Variants in AP3D1 observed in about 807,000 individuals in gnomAD.
The protein encoded by AP3D1 is adaptor related protein complex 3 subunit delta 1, also known as AP-3 complex subunit delta-1.
A neutral mutation model predicts 147.6 loss-of-function variants in AP3D1; 51 were observed. The ratio of observed to expected loss-of-function variants is 0.35; its 90% CI spans 0.28 to 0.44. The LOEUF (loss-of-function observed/expected upper bound fraction) is 0.44. AP3D1 is among the 20% of genes least tolerant of loss of function. AP3D1 has a pLI of 1.00. For synonymous variants in AP3D1, 760 were observed against 663.0 expected (o/e 1.15, Z -2.25); for missense variants, 1,421 against 1,624.2 (o/e 0.87, Z 2.15).
At chr19:2,107,694 T>C (rs537168979) in intron 31 of AP3D1, among the ~76,000 whole-genome samples, 5,917 of 148,244 alleles carry the variant, frequency 0.04, 313 homozygotes, top group African/African-American at 0.12. Flanking sequence ...GAGCTGAGAC[T>C]GCACCACTGC....
At chr19:2,138,748 A>G in intron 1 of AP3D1, 34 bp from the exon 2 acceptor site, 2 of 1,475,270 alleles carry the variant, frequency 1.4e-6, no homozygotes, top group Non-Finnish European at 1.9e-6. Context: ...GATTACAAAC[A>G]TCCAGCTAAG....
chr19:2,104,666 GTT>G (rs967229513), intron 31 of AP3D1, among the ~76,000 whole-genome samples: 11 of 113,452 alleles, frequency 9.7e-5, no homozygotes, highest in African/African-American at 2.9e-4. Context: ...TCTGACACAA[GTT>G]TTTTTTTTTT....
At position 2,143,382 on chromosome 19, in the gene AP3D1, A is replaced by G. The variant is rs1251858120; in HGVS notation, c.97-4668T>C. On this transcript the variant is annotated intron_variant, in intron 1 of 31. Transcript: ENST00000643116. The stretch of plus-strand genomic sequence containing the variant: ...CAGCCTCCCAAGTAGCTGGGACTAC[A>G]GGCGCCCGCGACCATGCCTGGCTAA... 4.6e-5 allele frequency among the ~76,000 whole-genome samples: 7 copies of G among 151,902 alleles called. No homozygotes were observed. The East Asian group carries it at 1.2e-3, about 25-fold the overall frequency.
chr19:2,159,766 T>C (rs1163482474), intron 1 of AP3D1, among the ~76,000 whole-genome samples: 2 of 151,592 alleles, frequency 1.3e-5, no homozygotes, highest in East Asian at 3.9e-4. Context: ...AGTGGCGCTA[T>C]CTTGGTTCAC....
chr19:2,135,578 C>T (rs2019054469), intron 4 of AP3D1, among the ~76,000 whole-genome samples: 1 of 152,178 alleles, frequency 6.6e-6, no homozygotes, highest in Non-Finnish European at 1.5e-5. Context: ...CACTGGACTG[C>T]AAACATCGGA....
intron 4 of AP3D1, among the ~76,000 whole-genome samples, chr19:2,135,351 C>T (rs1309679774): frequency 1.3e-5 from 2 of 152,188 alleles, no homozygotes; most frequent in African/African-American, 2.4e-5. Flanking sequence ...GCCTGGCCAA[C>T]ATGGTGAAAC....
At position 2,104,816 on chromosome 19, in the gene AP3D1, T is replaced by G. The variant is rs2144989024; in HGVS notation, c.3553-2548A>C. Among the ~76,000 whole-genome samples, 4 of 151,838 alleles carry G rather than the reference T, an allele frequency of 2.6e-5. No homozygotes were observed. In the Middle Eastern group the frequency reaches 0.014, roughly 516 times the overall value. On this transcript the variant is annotated intron_variant, in intron 31 of 31. Coordinates refer to ENST00000643116, the MANE Select transcript of AP3D1 (RefSeq NM_001261826.3). ...CAAGTAGCAGGGACTACAGGCTCAC[T>G]GTACTAATTTCTTAGTACTGGCTAA...
intron 12 of AP3D1, 132 bp from the exon 13 acceptor site, chr19:2,121,443 G>A: frequency 2.4e-6 from 3 of 1,234,916 alleles, no homozygotes; most frequent in South Asian, 2.8e-5. Flanking sequence ...TCGATGCCAG[G>A]GAGGCAGCAG....
intron 11 of AP3D1, among the ~76,000 whole-genome samples, chr19:2,122,600 A>G (rs1275643260): frequency 6.6e-6 from 1 of 152,246 alleles, no homozygotes; most frequent in East Asian, 1.9e-4. Context: ...TTCAGTGTGT[A>G]CATTAGGCAC....
chr19:2,114,971 A>AGGCACTAAGGGCGGCT (rs1176909969), intron 20 of AP3D1, 150 bp from the exon 21 acceptor site: 2 of 929,862 alleles, frequency 2.2e-6, no homozygotes, highest in Non-Finnish European at 3.3e-6. Context: ...CTCAGCGTCT[A>AGGCACTAAGGGCGGCT]GGCACTAAGG....
intron 9 of AP3D1, among the ~76,000 whole-genome samples, chr19:2,125,345 C>T (rs180913391): frequency 2.1e-4 from 32 of 152,092 alleles, no homozygotes; most frequent in African/African-American, 7.7e-4. Flanking sequence ...GAAGAAGTTT[C>T]GCTCTTGTTG....
Position 2,110,913 on chromosome 19 carries a change from G to A in AP3D1, c.2986-17C>T, listed in dbSNP as rs368781853. 2.8e-5 allele frequency: 45 copies of A among 1,610,080 alleles called. No individual in the cohort carries two copies. The highest frequency in any genetic ancestry group is 6.7e-5 in the African/African-American group (5 of 74,896). On this transcript the variant is annotated splice_polypyrimidine_tract_variant and intron_variant, in intron 26 of 31. Coordinates refer to ENST00000643116, the MANE Select transcript of AP3D1 (RefSeq NM_001261826.3). Reference sequence around the variant, plus strand: ...GTCACAGGTCTGCAGGGCATGGCCAGTGTTAGCAGGGCAGGCGGGCCCGCC... The same window carrying A: ...GTCACAGGTCTGCAGGGCATGGCCAATGTTAGCAGGGCAGGCGGGCCCGCC...
At chr19:2,141,979 T>TAC (rs2019233179) in intron 1 of AP3D1, among the ~76,000 whole-genome samples, 7 of 149,752 alleles carry the variant, frequency 4.7e-5, no homozygotes, top group South Asian at 2.1e-4. Flanking sequence ...TATACTTGTT[T>TAC]ACATATATAT....
intron 2 of AP3D1, among the ~76,000 whole-genome samples, chr19:2,138,290 A>C (rs1347131396): frequency 6.6e-6 from 1 of 152,146 alleles, no homozygotes; most frequent in African/African-American, 2.4e-5. Flanking sequence ...AGCTCTCCCC[A>C]CTAGGTGTCC....
upstream of AP3D1, among the ~76,000 whole-genome samples, chr19:2,152,106 C>T (rs1164469153): frequency 6.6e-6 from 1 of 152,188 alleles, no homozygotes; most frequent in Non-Finnish European, 1.5e-5. Flanking sequence ...GACAGGACTA[C>T]GACATTGTCA....
intron 31 of AP3D1, among the ~76,000 whole-genome samples, chr19:2,106,769 G>A (rs568224480): frequency 1.3e-5 from 2 of 152,282 alleles, no homozygotes; most frequent in South Asian, 4.1e-4. Flanking sequence ...TGCACCTTAA[G>A]GACATGAGGT....
chr19:2,109,573 CGAG>C (rs2018207953), intron 29 of AP3D1: 2 of 495,958 alleles, frequency 4.0e-6, no homozygotes, highest in African/African-American at 1.9e-5. Flanking sequence ...CAAGCCGTGC[CGAG>C]GAGAGGCTTC....
Position 2,101,087 on chromosome 19 carries a change from A to G in AP3D1, c.*1086T>C, listed in dbSNP as rs1448552189. ...CTTTATACGGGAATGTCGATAGCAA[A>G]TAAATTCTTATGTAACACATCATAC... is the stretch of plus-strand genomic sequence containing the variant. On this transcript the variant is annotated 3_prime_UTR_variant, in exon 32 of 32. Coordinates refer to ENST00000643116, the MANE Select transcript of AP3D1 (RefSeq NM_001261826.3). 1 of 152,612 alleles carries G rather than the reference A, an allele frequency of 6.6e-6. No individual in the cohort carries two copies. Among genetic ancestry groups the G allele is most frequent in the African/African-American group, 2.4e-5 (1 of 41,456 alleles). 9.5% of individuals were successfully genotyped at this position (152,612 alleles called of 1,614,324 possible). A position where few individuals can be genotyped will look rare whatever the true frequency, so the allele number is the denominator to read the frequency against.
intron 1 of AP3D1, among the ~76,000 whole-genome samples, chr19:2,141,946 T>C (rs2019231519): frequency 6.7e-6 from 1 of 149,666 alleles, no homozygotes; most frequent in Non-Finnish European, 1.5e-5. Context: ...TTATATATAT[T>C]TATTTTTGCA....
Sources: gnomAD v4.1 joint callset for allele counts (sites outside exome capture counted in the v4.1 genomes callset) on GRCh38, gnomAD v4.1.1 for gene constraint, MANE v1.5 for transcripts, NCBI Gene and HGNC (gene_info 2026-07-23, HGNC 2026-07-21) for gene names.